The following ZNF714 variants were observed in gnomAD, a reference collection of about 807,000 sequenced individuals.
The protein encoded by ZNF714 is zinc finger protein 714.
A neutral mutation model predicts 46.2 loss-of-function variants in ZNF714; 32 were observed. The observed-to-expected ratio is 0.69, with a 90% CI of 0.52 to 0.93. ZNF714 has a LOEUF of 0.93. Ranked by LOEUF, ZNF714 falls within the 40% of genes least tolerant of loss-of-function variation. The pLI, the probability that ZNF714 is intolerant of heterozygous loss-of-function variation, is 0.00. For synonymous variants in ZNF714, 199 were observed against 213.1 expected (o/e 0.93, Z 0.58); for missense variants, 635 against 646.3 (o/e 0.98, Z 0.19).
chr19:21,101,579 G>C (rs1397724846), intron 4 of ZNF714, among the ~76,000 whole-genome samples: 1 of 152,134 alleles, frequency 6.6e-6, no homozygotes, highest in Non-Finnish European at 1.5e-5. Flanking sequence ...TCAGGTCACT[G>C]TGTGAGTTTC....
At chr19:21,092,906 C>CTTT (rs56845417) in intron 2 of ZNF714, among the ~76,000 whole-genome samples, 12,450 of 101,626 alleles carry the variant, frequency 0.12, 2,023 homozygotes, top group Non-Finnish European at 0.16. Context: ...ATAACTTAAA[C>CTTT]TTTTTTTTTT....
rs1422479458 is a variant in ZNF714, at chr19:21,098,910, G to C, written c.142G>C (p.Ala48Pro). The C allele has an allele frequency of 6.3e-7, 1 of 1,588,440 alleles. No individual in the cohort carries two copies. Among genetic ancestry groups the C allele is most frequent in the East Asian group, 2.2e-5 (1 of 44,478 alleles). Residue 48 changes from alanine to proline, a missense_variant and splice_region_variant, in exon 4 of 5, where the codon GCT becomes CCT. By Grantham distance (27) the Ala-to-Pro change is conservative. Coordinates refer to ENST00000456283, the MANE Select transcript of ZNF714 (RefSeq NM_182515.4). The stretch of plus-strand genomic sequence containing the variant: ...ATGTGAGATGGTGGATGAATCCCCA[G>C]GTAGGTGAGAGTGAACACAACAGAT... Reference protein sequence around the residue: ...KICEMVDESPAMCSSFTRDLW... With the variant: ...KICEMVDESPPMCSSFTRDLW...
At chr19:21,093,833 C>T (rs10406067) in intron 2 of ZNF714, among the ~76,000 whole-genome samples, 2,362 of 152,118 alleles carry the variant, frequency 0.016, 66 homozygotes, top group African/African-American at 0.055. Flanking sequence ...GGGGTTTTGT[C>T]ATGTTGCCCA....
rs936493965 is a variant in ZNF714, at chr19:21,121,548, T to C, written c.*3216T>C. ...AAACATGCAGACTTTTTGATTCACA[T>C]AGAGTTAAATATGTATTAGTCTAAA... On this transcript the variant is annotated 3_prime_UTR_variant, in exon 5 of 5. Coordinates refer to ENST00000456283, the MANE Select transcript of ZNF714 (RefSeq NM_182515.4). The C allele has an allele frequency of 6.6e-6, 1 of 152,214 alleles. No homozygotes were observed. Among genetic ancestry groups the C allele is most frequent in the African/African-American group, 2.4e-5 (1 of 41,458 alleles). The allele number at this position is 152,214 out of a possible 1,614,324, so 9.4% of individuals were successfully genotyped here.
chr19:21,094,326 C>T (rs1968989651), intron 2 of ZNF714, among the ~76,000 whole-genome samples: 2 of 152,208 alleles, frequency 1.3e-5, no homozygotes, highest in African/African-American at 4.8e-5. Context: ...TTGTAATAAA[C>T]ATGCATATGC....
chr19:21,118,079 A>G lies in ZNF714; in HGVS notation c.1415A>G (p.Asn472Ser). 1 of 1,613,946 alleles carries G rather than the reference A, an allele frequency of 6.2e-7. No individual in the cohort carries two copies. Among genetic ancestry groups the G allele is most frequent in the Non-Finnish European group, 8.5e-7 (1 of 1,179,936 alleles). ...CGATCCTCAAACCTTACTAAACATA[A>G]CATAATTCATACTGGAGAGAAATCT... ...FNRSSNLTKH[N>S]IIHTGEKSYK... The change falls in exon 5 of 5, where the codon AAC (asparagine) becomes AGC (serine). Residue 472 changes from asparagine to serine, a missense_variant. Asn to Ser is a conservative substitution (Grantham distance 46). Coordinates refer to ENST00000456283, the MANE Select transcript of ZNF714 (RefSeq NM_182515.4).
At chr19:21,116,589 A>G (rs1006344016) in intron 4 of ZNF714, among the ~76,000 whole-genome samples, 1 of 152,002 alleles carries the variant, frequency 6.6e-6, no homozygotes, top group African/African-American at 2.4e-5. Flanking sequence ...TCATCTGTGT[A>G]CTCACCTGGG....
intron 4 of ZNF714, chr19:21,109,676 G>T: frequency 1.2e-5 from 2 of 167,344 alleles, no homozygotes; most frequent in South Asian, 3.6e-4. Context: ...GTGCCATGGT[G>T]GTTTGCTGCA....
At chr19:21,082,497 T>G (rs1968676796) in intron 1 of ZNF714, 149 bp downstream of exon 1, 2 of 784,968 alleles carry the variant, frequency 2.5e-6, no homozygotes, top group South Asian at 3.1e-5. Context: ...CTCAGTCCCC[T>G]TCAGCCATAA....
intron 4 of ZNF714, among the ~76,000 whole-genome samples, chr19:21,107,397 G>T (rs997021605): frequency 6.6e-6 from 1 of 152,032 alleles, no homozygotes; most frequent in South Asian, 2.1e-4. Context: ...GTGCCACCAC[G>T]CCTGGCTAAT....
At chr19:21,112,336 G>A (rs1454189697) in intron 4 of ZNF714, among the ~76,000 whole-genome samples, 1 of 152,146 alleles carries the variant, frequency 6.6e-6, no homozygotes. Flanking sequence ...GATATGTCCA[G>A]CAGTTTATCC....
Position 21,117,888 on chromosome 19 carries a change from A to G in ZNF714, c.1224A>G (p.Gln408=), listed in dbSNP as rs753000509. 6 of 1,612,480 alleles carry G rather than the reference A, an allele frequency of 3.7e-6. No homozygotes were observed. Among genetic ancestry groups the G allele is most frequent in the Admixed American group, 3.3e-5 (2 of 59,948 alleles). The change falls in exon 5 of 5, where the codon CAA becomes CAG. Residue 408 remains glutamine, a synonymous_variant. Coordinates refer to ENST00000456283, the MANE Select transcript of ZNF714 (RefSeq NM_182515.4). ...KCEECGKAFN[Q]SSNLTKHKII... The stretch of plus-strand genomic sequence containing the variant: ...AAGAATGTGGCAAAGCTTTTAACCA[A>G]TCCTCAAACCTTACCAAACATAAGA...
In ZNF714 at chr19:21,117,577, ATAAT is replaced by A. The variant is rs1468380574; in HGVS notation, c.915_918del (p.His307LeufsTer54). 1.2e-6 allele frequency: 2 copies of A among 1,607,394 alleles called. No individual in the cohort carries two copies. The highest frequency in any genetic ancestry group is 2.7e-5 in the African/African-American group (2 of 74,716). On this transcript the variant is annotated frameshift_variant, in exon 5 of 5. Transcript: ENST00000456283. LOFTEE classifies it high-confidence loss of function. ...ATTCTCATACCTTACTAAACATAAGATAATTCATTCTGGAGAGAAATCTTACAAA... is the reference window on the plus strand; with the variant it reads ...ATTCTCATACCTTACTAAACATAAGATCATTCTGGAGAGAAATCTTACAAA...
Position 21,124,466 on chromosome 19 carries a change from GAC to G in ZNF714, c.*6138_*6139del, listed in dbSNP as rs1184252042. On this transcript the variant is annotated 3_prime_UTR_variant, in exon 5 of 5. Transcript: ENST00000456283. Reference sequence around the variant, plus strand: ...AAGTAATCACAAAGACACAGTATTTGACACATTGTTATTCTTTTATGTCTTAA... The same window carrying G: ...AAGTAATCACAAAGACACAGTATTTGACATTGTTATTCTTTTATGTCTTAA... Among the ~76,000 whole-genome samples, 2 of 152,258 alleles carry G rather than the reference GAC, an allele frequency of 1.3e-5. No individual in the cohort carries two copies. The highest frequency in any genetic ancestry group is 3.9e-4 in the East Asian group (2 of 5,178).
At chr19:21,116,764 G>T in intron 4 of ZNF714, 43 bp from the exon 5 acceptor site, 1 of 1,535,326 alleles carries the variant, frequency 6.5e-7, no homozygotes, top group Non-Finnish European at 8.7e-7. Flanking sequence ...ATGTTTATCA[G>T]AGTCTAGTAA....
chr19:21,099,886 C>T (rs568202331), intron 4 of ZNF714, among the ~76,000 whole-genome samples: 8 of 152,240 alleles, frequency 5.3e-5, no homozygotes, highest in South Asian at 2.1e-4. Context: ...GACAGAGTCT[C>T]GCTCTGTCAC....
intron 4 of ZNF714, among the ~76,000 whole-genome samples, chr19:21,106,352 G>A (rs535242006): frequency 2.8e-4 from 42 of 151,886 alleles, no homozygotes; most frequent in Non-Finnish European, 4.4e-4. Context: ...GGCGGATCAC[G>A]AGGTCGGGAG....
intron 4 of ZNF714, among the ~76,000 whole-genome samples, chr19:21,103,715 C>T (rs73022669): frequency 0.043 from 6,553 of 152,128 alleles, 207 homozygotes; most frequent in Middle Eastern, 0.11. Context: ...GGGCAACATT[C>T]GGAGATTCCC....
Position 21,098,209 on chromosome 19 carries a change from G to A in ZNF714, c.-60G>A. 2 of 1,612,102 alleles carry A rather than the reference G, an allele frequency of 1.2e-6. No individual in the cohort carries two copies. Among genetic ancestry groups the A allele is most frequent in the Non-Finnish European group, 1.7e-6 (2 of 1,179,642 alleles). On this transcript the variant is annotated 5_prime_UTR_variant, in exon 3 of 5. It introduces an in-frame stop codon into an upstream open reading frame of the 5' UTR. Transcript: ENST00000456283. ...GGAGACGTTGACATTTAGGGATGTGGCCATAGAATTCTCTCTGGAGGAGTG... is the reference window on the plus strand; with the variant it reads ...GGAGACGTTGACATTTAGGGATGTGACCATAGAATTCTCTCTGGAGGAGTG...
Sources: allele counts gnomAD v4.1 joint callset (sites outside exome capture counted in the v4.1 genomes callset), GRCh38; gene constraint gnomAD v4.1.1; transcripts MANE v1.5; gene names NCBI Gene and HGNC (gene_info 2026-07-23, HGNC 2026-07-21).